Variants in PARVB observed in about 807,000 individuals in gnomAD.
The protein encoded by PARVB is beta-parvin.
In PARVB, 46 loss-of-function variants were observed where a neutral mutation model predicts 47.0. The observed-to-expected ratio is 0.98, with a 90% CI of 0.77 to 1.25. The LOEUF (loss-of-function observed/expected upper bound fraction) is 1.25. PARVB is among the 50% of genes most tolerant of loss of function. PARVB has a pLI of 0.00. For synonymous variants in PARVB, 196 were observed against 196.3 expected (o/e 1.00, Z 0.01); for missense variants, 473 against 471.6 (o/e 1.00, Z -0.03).
At chr22:44,079,887 C>T (rs2051861172) in intron 1 of PARVB, among the ~76,000 whole-genome samples, 1 of 152,124 alleles carries the variant, frequency 6.6e-6, no homozygotes, top group Non-Finnish European at 1.5e-5. Flanking sequence ...GAGATTGTGC[C>T]ACTGCACTCC....
At chr22:44,038,813 G>A (rs1451428881) in intron 1 of PARVB, among the ~76,000 whole-genome samples, 1 of 152,016 alleles carries the variant, frequency 6.6e-6, no homozygotes, top group Non-Finnish European at 1.5e-5. Context: ...AAAAAAGCTG[G>A]ACCTGGTCAA....
At chr22:44,118,036 T>G (rs1011723901) in intron 3 of PARVB, among the ~76,000 whole-genome samples, 2 of 152,136 alleles carry the variant, frequency 1.3e-5, no homozygotes, top group African/African-American at 4.8e-5. Flanking sequence ...GGAAAATCTC[T>G]TGTGAAAAGG....
intron 1 of PARVB, among the ~76,000 whole-genome samples, chr22:44,072,256 C>T (rs1163713127): frequency 6.6e-6 from 1 of 152,152 alleles, no homozygotes; most frequent in Non-Finnish European, 1.5e-5. Flanking sequence ...TCATGAGGCC[C>T]CTGAAAGATA....
In PARVB at chr22:44,132,941, C is replaced by G. The variant is rs142049850; in HGVS notation, c.565C>G (p.Leu189Val). Residue 189 changes from leucine to valine, a missense_variant, in exon 6 of 13, where the codon CTG (leucine) becomes GTG (valine). Physicochemically the swap from Leu to Val is conservative, Grantham distance 32. Transcript: ENST00000338758. Reference sequence around the variant, plus strand: ...GGCCATCCTCCACCTGCTGGTCTCTCTGGCCATGCACTTCAGGGCCCCCAT... The same window carrying G: ...GGCCATCCTCCACCTGCTGGTCTCTGTGGCCATGCACTTCAGGGCCCCCAT... The part of the protein sequence containing the change: ...LVAILHLLVS[L>V]AMHFRAPIRL... The G allele has an allele frequency of 1.2e-6, 2 of 1,614,018 alleles. No individual in the cohort carries two copies. The highest frequency in any genetic ancestry group is 2.2e-5 in the East Asian group (1 of 44,884).
At position 44,154,272 on chromosome 22, in the gene PARVB, A is replaced by G. The variant is rs180756599; in HGVS notation, c.843+2721A>G. On this transcript the variant is annotated intron_variant, in intron 10 of 12. Coordinates refer to ENST00000338758, the MANE Select transcript of PARVB (RefSeq NM_013327.5). The stretch of plus-strand genomic sequence containing the variant: ...GTACATTTAACCACTGGTCCCCCAG[A>G]AAAGGTCGCTGGTTACAGAAATGCA... Among the ~76,000 whole-genome samples the G allele has an allele frequency of 1.7e-3, 252 of 152,366 alleles. 3 individuals are homozygous for G. In the South Asian group the frequency reaches 0.023, roughly 14 times the overall value.
chr22:44,126,647 G>A (rs1352033092), intron 4 of PARVB, among the ~76,000 whole-genome samples: 1 of 152,174 alleles, frequency 6.6e-6, no homozygotes, highest in African/African-American at 2.4e-5. Context: ...TTGGGCTGTT[G>A]CTGGTGATGG....
intron 1 of PARVB, among the ~76,000 whole-genome samples, chr22:44,026,690 G>A (rs1022263729): frequency 6.6e-6 from 1 of 152,240 alleles, no homozygotes. Context: ...CTACCAGGGA[G>A]TGACAGGGCG....
At chr22:44,154,573 T>G in intron 10 of PARVB, among the ~76,000 whole-genome samples, 1 of 141,384 alleles carries the variant, frequency 7.1e-6, no homozygotes, top group African/African-American at 2.6e-5. Context: ...TGTAGTCTGG[T>G]GTGTGTGTGT....
rs537941743 is a variant in PARVB at position 44,029,076 on chromosome 22, T to C, written c.112+4625T>C. On this transcript the variant is annotated intron_variant, in intron 1 of 12. Coordinates refer to ENST00000338758, the MANE Select transcript of PARVB (RefSeq NM_013327.5). ...CTGGCTCACTGCAGCCTCAATCTCC[T>C]GGGGCTCAAGTGATCCTCATGCCTC... Among the ~76,000 whole-genome samples, 7 of 152,290 alleles carry C rather than the reference T, an allele frequency of 4.6e-5. No homozygotes were observed. In the East Asian group the frequency reaches 1.4e-3, roughly 29 times the overall value.
chr22:44,050,880 C>T (rs1021440763), intron 1 of PARVB, among the ~76,000 whole-genome samples: 3 of 152,168 alleles, frequency 2.0e-5, no homozygotes, highest in Non-Finnish European at 2.9e-5. Flanking sequence ...GCACACAGCC[C>T]GTCACCAGGA....
intron 3 of PARVB, among the ~76,000 whole-genome samples, chr22:44,101,418 A>AAAT (rs1555903746): frequency 6.8e-5 from 9 of 133,118 alleles, no homozygotes; most frequent in African/African-American, 3.4e-4. Flanking sequence ...AAAAAAAAAT[A>AAAT]AAAAATAAAA....
At chr22:44,118,230 C>T (rs908476656) in intron 3 of PARVB, among the ~76,000 whole-genome samples, 8 of 152,058 alleles carry the variant, frequency 5.3e-5, no homozygotes, top group Admixed American at 3.9e-4. Context: ...AGCGTAGGCA[C>T]GAAAGAAGGA....
chr22:44,131,775 A>G (rs906613753), intron 5 of PARVB, 148 bp downstream of exon 5: 11 of 818,540 alleles, frequency 1.3e-5, no homozygotes, highest in African/African-American at 5.2e-5. Context: ...TGTAAGAGGT[A>G]GAACATTGCA....
upstream of PARVB, among the ~76,000 whole-genome samples, chr22:44,019,455 G>A (rs1180991852): frequency 6.6e-6 from 1 of 152,174 alleles, no homozygotes; most frequent in East Asian, 1.9e-4. Context: ...GCTGACATCA[G>A]GTGGACTGCT....
chr22:43,999,373 A>G, exon 1 of PARVB: 1 of 1,610,978 alleles, frequency 6.2e-7, no homozygotes, highest in African/African-American at 1.3e-5. Flanking sequence ...ACCAAAGAGG[A>G]GAGAAAAGGG....
upstream of PARVB, chr22:44,024,277 C>T: frequency 1.1e-6 from 1 of 948,084 alleles, no homozygotes; most frequent in Non-Finnish European, 1.3e-6. Context: ...CCCTCGGCCT[C>T]TCCCCGGGGC....
intron 2 of PARVB, among the ~76,000 whole-genome samples, chr22:44,098,595 C>T (rs1025208760): frequency 1.3e-5 from 2 of 152,098 alleles, no homozygotes; most frequent in Non-Finnish European, 2.9e-5. Flanking sequence ...GCCTTGATCC[C>T]AGCAGGAGTG....
intron 12 of PARVB, among the ~76,000 whole-genome samples, chr22:44,165,947 A>G (rs2054158346): frequency 6.6e-6 from 1 of 152,186 alleles, no homozygotes; most frequent in Non-Finnish European, 1.5e-5. Flanking sequence ...ATCCTTGCTC[A>G]TGTCCACTGT....
At chr22:44,034,097 A>C (rs1221651177) in intron 1 of PARVB, among the ~76,000 whole-genome samples, 1 of 151,078 alleles carries the variant, frequency 6.6e-6, no homozygotes, top group Non-Finnish European at 1.5e-5. Flanking sequence ...ATGAACATAC[A>C]AATAAAAATA....
Sources: allele counts gnomAD v4.1 joint callset (sites outside exome capture counted in the v4.1 genomes callset), GRCh38; gene constraint gnomAD v4.1.1; transcripts MANE v1.5; gene names NCBI Gene and HGNC (gene_info 2026-07-23, HGNC 2026-07-21).